ABCD3: variants seen among roughly 807,000 people sequenced by gnomAD.
ABCD3 encodes ATP-binding cassette sub-family D member 3.
ABCD3 carries 41 observed loss-of-function variants against 105.5 expected under a neutral mutation model. That is an observed-to-expected ratio of 0.39 (90% CI 0.30 to 0.50). The LOEUF is 0.50. ABCD3 is among the 20% of genes least tolerant of loss of function. The probability of loss-of-function intolerance (pLI) is 0.84; values close to 1 mark genes in which losing one functional copy is unlikely to be tolerated. For synonymous variants in ABCD3, 258 were observed against 269.0 expected, an observed-to-expected ratio of 0.96 and a Z score of 0.40; for missense variants, 622 against 806.3, an observed-to-expected ratio of 0.77 and a Z score of 2.77.
intron 16 of ABCD3, among the ~76,000 whole-genome samples, chr1:94,494,965 T>C (rs2101033686): frequency 6.6e-6 from 1 of 152,158 alleles, no homozygotes; most frequent in Non-Finnish European, 1.5e-5. Flanking sequence ...CCTTTGGTCC[T>C]GGTTACGCAG....
intron 1 of ABCD3, among the ~76,000 whole-genome samples, chr1:94,431,604 T>C (rs754133062): frequency 1.5e-4 from 23 of 152,174 alleles, no homozygotes; most frequent in Admixed American, 2.6e-4. Context: ...CTCTGTGGCC[T>C]GGGCTGGAGT....
upstream of ABCD3, among the ~76,000 whole-genome samples, chr1:94,416,286 A>C (rs1659004920): frequency 6.6e-6 from 1 of 152,226 alleles, no homozygotes; most frequent in African/African-American, 2.4e-5. Flanking sequence ...ATTTAGCTAC[A>C]GAATCACCTT....
intron 1 of ABCD3, among the ~76,000 whole-genome samples, chr1:94,445,228 C>CTG (rs1368867672): frequency 3.9e-5 from 6 of 152,114 alleles, no homozygotes; most frequent in African/African-American, 7.2e-5. Flanking sequence ...CTCTATATTT[C>CTG]TGTGTGTGTG....
At chr1:94,496,692 C>CTTT in intron 16 of ABCD3, among the ~76,000 whole-genome samples, 1 of 20,138 alleles carries the variant, frequency 5.0e-5, no homozygotes, top group Non-Finnish European at 9.7e-5. Flanking sequence ...AGCCTTGTTT[C>CTTT]TGTTTTTTTT....
the ABCD3 span, among the ~76,000 whole-genome samples, chr1:94,412,527 T>C: frequency 6.6e-6 from 1 of 152,312 alleles, no homozygotes; most frequent in Non-Finnish European, 1.5e-5. Context: ...TATCCAGACC[T>C]CCACTGATGG....
At chr1:94,416,525 G>A (rs1340848633), upstream of ABCD3, among the ~76,000 whole-genome samples, 2 of 152,068 alleles carry the variant, frequency 1.3e-5, no homozygotes, top group African/African-American at 4.8e-5. Flanking sequence ...ATTATGTGAG[G>A]TCGTTGGGGC....
At chr1:94,409,114 T>C in the ABCD3 span, among the ~76,000 whole-genome samples, 3 of 152,096 alleles carry the variant, frequency 2.0e-5, no homozygotes, top group African/African-American at 2.4e-5. Flanking sequence ...GGTTAATGGG[T>C]ATAAAAAAAT....
intron 16 of ABCD3, among the ~76,000 whole-genome samples, chr1:94,491,781 C>T (rs909681318): frequency 2.0e-5 from 3 of 152,018 alleles, no homozygotes; most frequent in East Asian, 3.8e-4. Flanking sequence ...TGGGATATGG[C>T]AGACCAAATT....
intron 2 of ABCD3, among the ~76,000 whole-genome samples, chr1:94,460,243 C>T (rs1198203845): frequency 1.3e-5 from 2 of 152,078 alleles, no homozygotes; most frequent in Non-Finnish European, 2.9e-5. Context: ...TACCATTAGT[C>T]TAATTTTTAG....
At chr1:94,514,677 T>C (rs1484481617) in intron 21 of ABCD3, 3 of 161,196 alleles carry the variant, frequency 1.9e-5, no homozygotes, top group Non-Finnish European at 2.7e-5. Context: ...CTCAGAACTC[T>C]CTGGGGGTGT....
intron 1 of ABCD3, among the ~76,000 whole-genome samples, chr1:94,442,274 T>C (rs1199293682): frequency 1.3e-5 from 2 of 152,196 alleles, no homozygotes; most frequent in African/African-American, 2.4e-5. Flanking sequence ...CAGAATTCCG[T>C]CTGTAAGATG....
At chr1:94,405,764 A>T in the ABCD3 span, among the ~76,000 whole-genome samples, 1 of 151,942 alleles carries the variant, frequency 6.6e-6, no homozygotes, top group South Asian at 2.1e-4. Flanking sequence ...TCATTTGCCT[A>T]TTTTTCTGTA....
the ABCD3 span, among the ~76,000 whole-genome samples, chr1:94,399,841 G>A: frequency 3.3e-5 from 5 of 152,154 alleles, no homozygotes; most frequent in South Asian, 4.2e-4. Flanking sequence ...TACTTTCTAC[G>A]TTATGACATG....
chr1:94,410,827 G>C, the ABCD3 span, among the ~76,000 whole-genome samples: 1 of 152,180 alleles, frequency 6.6e-6, no homozygotes, highest in Admixed American at 6.5e-5. Flanking sequence ...AATTCTTAAA[G>C]TGGAAAAGCC....
chr1:94,403,290 A>G, the ABCD3 span, among the ~76,000 whole-genome samples: 2 of 152,114 alleles, frequency 1.3e-5, no homozygotes, highest in Non-Finnish European at 2.9e-5. Context: ...TGAGATATCC[A>G]TCTTTCCTAC....
At chr1:94,490,913 CT>C (rs1443727241) in intron 15 of ABCD3, among the ~76,000 whole-genome samples, 1 of 152,072 alleles carries the variant, frequency 6.6e-6, no homozygotes, top group East Asian at 1.9e-4. Context: ...TTCTCCACAT[CT>C]TTGCCAACAC....
the ABCD3 span, among the ~76,000 whole-genome samples, chr1:94,403,242 T>C: frequency 4.5e-3 from 679 of 152,238 alleles, 2 homozygotes; most frequent in African/African-American, 0.015. Flanking sequence ...TATTATGCAT[T>C]CTAGGCTGGA....
intron 1 of ABCD3, among the ~76,000 whole-genome samples, chr1:94,425,974 TACTC>T (rs1225519333): frequency 6.6e-6 from 1 of 152,206 alleles, no homozygotes; most frequent in Admixed American, 6.5e-5. Context: ...TAGTAGTATT[TACTC>T]ACTCACTCAG....
chr1:94,419,219 G>C (rs1659155901), intron 1 of ABCD3: 1 of 923,488 alleles, frequency 1.1e-6, no homozygotes, highest in South Asian at 5.0e-5. Flanking sequence ...GTGAACATTT[G>C]GTCGGTGGCA....
Sources: allele counts gnomAD v4.1 joint callset (sites outside exome capture counted in the v4.1 genomes callset), GRCh38; gene constraint gnomAD v4.1.1; transcripts MANE v1.5; gene names NCBI Gene and HGNC (gene_info 2026-07-23, HGNC 2026-07-21).